SUPT3H: variants seen among roughly 807,000 people sequenced by gnomAD.
SUPT3H encodes SPT3 homolog, SAGA and STAGA complex component.
SUPT3H carries 44 observed loss-of-function variants against 44.3 expected under a neutral mutation model. The ratio of observed to expected loss-of-function variants is 0.99; its 90% CI spans 0.78 to 1.28. SUPT3H has a LOEUF of 1.28. SUPT3H is among the 50% of genes most tolerant of loss of function. SUPT3H has a pLI of 0.00. For missense variants in SUPT3H, 380 were observed against 387.1 expected (o/e 0.98, Z 0.15); for synonymous variants, 124 against 125.6 (o/e 0.99, Z 0.09).
chr6:45,373,964 T>C (rs1486091020), intron 1 of SUPT3H, among the ~76,000 whole-genome samples: 4 of 152,198 alleles, frequency 2.6e-5, no homozygotes, highest in African/African-American at 7.2e-5. Flanking sequence ...AGGTCACTCT[T>C]TAGTGGAGGC....
At position 44,968,092 on chromosome 6, in the gene SUPT3H, CA is replaced by C. The variant is rs565294209; in HGVS notation, c.505-6265del. 3.9e-3 allele frequency among the ~76,000 whole-genome samples: 590 copies of C among 152,132 alleles called. 5 individuals carry two copies. The highest frequency in any genetic ancestry group is 4.6e-3 in the Non-Finnish European group (310 of 67,990). ...ACAGGCATGAGCCACTGCACCTGGCCAAAAAATTTTTTTTAATCTTATTCTG... is the reference window on the plus strand; with the variant it reads ...ACAGGCATGAGCCACTGCACCTGGCCAAAAATTTTTTTTAATCTTATTCTG... On this transcript the variant is annotated intron_variant, in intron 6 of 10. Transcript: ENST00000371459.
intron 8 of SUPT3H, 26 bp from the exon 9 acceptor site, chr6:44,953,443 A>G (rs1460267308): frequency 8.2e-6 from 13 of 1,579,478 alleles, no homozygotes; most frequent in Non-Finnish European, 1.0e-5. Flanking sequence ...AATGAAAGTC[A>G]CATAGCTAGA....
At chr6:45,101,795 A>C (rs1402203753) in intron 3 of SUPT3H, among the ~76,000 whole-genome samples, 1 of 152,182 alleles carries the variant, frequency 6.6e-6, no homozygotes, top group Non-Finnish European at 1.5e-5. Context: ...ATTAAAAATG[A>C]TAATAAAAAA....
intron 3 of SUPT3H, among the ~76,000 whole-genome samples, chr6:45,091,443 T>C (rs1229920735): frequency 6.6e-6 from 1 of 151,994 alleles, no homozygotes; most frequent in Non-Finnish European, 1.5e-5. Context: ...CTTACAGACA[T>C]ATAGTAAATT....
At chr6:45,130,508 T>A (rs1320592836) in intron 2 of SUPT3H, among the ~76,000 whole-genome samples, 1 of 151,946 alleles carries the variant, frequency 6.6e-6, no homozygotes, top group African/African-American at 2.4e-5. Context: ...GTTTATTCCA[T>A]CCTTTTTGAG....
At chr6:44,848,183 T>G (rs984185682) in intron 10 of SUPT3H, among the ~76,000 whole-genome samples, 2 of 151,888 alleles carry the variant, frequency 1.3e-5, no homozygotes, top group Non-Finnish European at 2.9e-5. Flanking sequence ...TTGGCCAGGC[T>G]GGTCTCGAAC....
At chr6:44,896,764 T>A (rs1484290066) in intron 10 of SUPT3H, among the ~76,000 whole-genome samples, 3 of 152,194 alleles carry the variant, frequency 2.0e-5, no homozygotes, top group Admixed American at 6.5e-5. Flanking sequence ...GAGTTGTTAA[T>A]TTCTATGTTT....
intron 2 of SUPT3H, among the ~76,000 whole-genome samples, chr6:45,283,392 T>C (rs1052658938): frequency 6.6e-6 from 1 of 151,858 alleles, no homozygotes; most frequent in Non-Finnish European, 1.5e-5. Flanking sequence ...TGGAGGAAGA[T>C]CTACCAAGCA....
chr6:44,994,015 T>C (rs917937150), intron 6 of SUPT3H, among the ~76,000 whole-genome samples: 1 of 152,124 alleles, frequency 6.6e-6, no homozygotes, highest in African/African-American at 2.4e-5. Context: ...ATGTAGCAAG[T>C]AGAAAATATA....
intron 2 of SUPT3H, among the ~76,000 whole-genome samples, chr6:45,192,100 T>A (rs1429898117): frequency 6.6e-6 from 1 of 152,140 alleles, no homozygotes; most frequent in Non-Finnish European, 1.5e-5. Flanking sequence ...TATCTGTTAG[T>A]CCAGTACTCC....
intron 2 of SUPT3H, among the ~76,000 whole-genome samples, chr6:45,214,157 A>G (rs1343949710): frequency 2.6e-5 from 4 of 152,102 alleles, no homozygotes; most frequent in Admixed American, 6.5e-5. Context: ...ACCCAAGTAC[A>G]TAACAGCTCA....
intron 2 of SUPT3H, among the ~76,000 whole-genome samples, chr6:45,158,345 G>A (rs1384923374): frequency 8.2e-6 from 1 of 122,612 alleles, no homozygotes; most frequent in Admixed American, 1.0e-4. Context: ...TGTCACCCAA[G>A]CTGGAATGTA....
chr6:44,932,112 A>C (rs900325149), intron 10 of SUPT3H, among the ~76,000 whole-genome samples: 1 of 152,164 alleles, frequency 6.6e-6, no homozygotes, highest in South Asian at 2.1e-4. Flanking sequence ...CTTTCTTTAG[A>C]CTGTTGAAAT....
intron 2 of SUPT3H, among the ~76,000 whole-genome samples, chr6:45,204,366 G>A (rs1295369415): frequency 6.6e-6 from 1 of 152,150 alleles, no homozygotes; most frequent in Non-Finnish European, 1.5e-5. Flanking sequence ...CTGCTAAGGT[G>A]AGAAGAAACA....
intron 6 of SUPT3H, among the ~76,000 whole-genome samples, chr6:44,992,461 G>A (rs186213859): frequency 1.5e-3 from 230 of 152,190 alleles, no homozygotes; most frequent in African/African-American, 5.4e-3. Context: ...TACTTCCCTT[G>A]ATGTAGGAAA....
intron 3 of SUPT3H, 88 bp from the exon 4 acceptor site, chr6:45,020,720 TAA>T (rs1328014758): frequency 5.8e-6 from 5 of 863,118 alleles, no homozygotes; most frequent in Admixed American, 2.7e-5. Flanking sequence ...ATAAATATAC[TAA>T]GAGTTAAAAA....
At chr6:45,157,019 T>G (rs1304798088) in intron 2 of SUPT3H, among the ~76,000 whole-genome samples, 2 of 152,120 alleles carry the variant, frequency 1.3e-5, no homozygotes, top group Non-Finnish European at 2.9e-5. Flanking sequence ...CATTAATAAG[T>G]TAAAGGAATG....
chr6:45,003,574 G>T, intron 6 of SUPT3H, 79 bp downstream of exon 6: 1 of 1,483,578 alleles, frequency 6.7e-7, no homozygotes, highest in Non-Finnish European at 9.1e-7. Flanking sequence ...AACATTTAAA[G>T]AACATGAGAA....
At chr6:45,143,543 G>A (rs186981133) in intron 2 of SUPT3H, among the ~76,000 whole-genome samples, 2 of 152,236 alleles carry the variant, frequency 1.3e-5, no homozygotes, top group African/African-American at 4.8e-5. Context: ...CTGGGATACA[G>A]CAAAAGTAGT....
Sources: gnomAD v4.1 joint callset for allele counts (sites outside exome capture counted in the v4.1 genomes callset) on GRCh38, gnomAD v4.1.1 for gene constraint, MANE v1.5 for transcripts, NCBI Gene and HGNC (gene_info 2026-07-23, HGNC 2026-07-21) for gene names.